GFOD1: variants seen among roughly 807,000 people sequenced by gnomAD.
The protein encoded by GFOD1 is Gfo/Idh/MocA-like oxidoreductase domain containing 1.
Under a neutral mutation model 25.4 loss-of-function variants are expected in GFOD1, and 9 were observed. That is an observed-to-expected ratio of 0.35 (90% confidence interval 0.21 to 0.62). GFOD1 has a LOEUF of 0.62. Among genes scored for constraint, GFOD1 ranks in the 20% least tolerant of loss-of-function variants. The pLI, the probability that GFOD1 is intolerant of heterozygous loss-of-function variation, is 0.72. For missense variants in GFOD1, 403 were observed against 556.9 expected, an observed-to-expected ratio of 0.72 and a Z score of 2.78; for synonymous variants, 253 against 245.6, an observed-to-expected ratio of 1.03 and a Z score of -0.28.
intron 1 of GFOD1, among the ~76,000 whole-genome samples, chr6:13,395,008 C>T (rs1264153276): frequency 1.3e-5 from 2 of 152,138 alleles, no homozygotes; most frequent in East Asian, 3.9e-4. Context: ...GTCTTGAACT[C>T]TTGGCCTCAA....
intron 1 of GFOD1, among the ~76,000 whole-genome samples, chr6:13,384,847 T>C (rs1397804397): frequency 6.6e-6 from 1 of 152,252 alleles, no homozygotes; most frequent in Admixed American, 6.5e-5. Context: ...AATTTAGGTA[T>C]AAATCAGTTT....
chr6:13,449,139 A>T (rs887184055), intron 1 of GFOD1, among the ~76,000 whole-genome samples: 1 of 152,270 alleles, frequency 6.6e-6, no homozygotes, highest in East Asian at 1.9e-4. Context: ...AAACATTTTT[A>T]AATTAGCCAG....
At position 13,365,733 on chromosome 6, in the gene GFOD1, T is replaced by C. The variant is rs1019863734; in HGVS notation, c.254-71A>G. ...CGAGCGCGCGTCCCTGGGTCAGATC[T>C]TAAAATATTTCACATTAATAGAAAA... is the stretch of plus-strand genomic sequence containing the variant. On this transcript the variant is annotated intron_variant, in intron 1 of 1. Transcript: ENST00000379287. The surrounding 1 kb of genome is among the most constrained non-coding windows in gnomAD (Gnocchi z 9.2). The C allele has an allele frequency of 3.6e-5, 39 of 1,090,932 alleles. No individual in the cohort carries two copies. In the African/African-American group the frequency reaches 5.6e-4, roughly 16 times the overall value. 67.6% of individuals were successfully genotyped at this position (1,090,932 alleles called of 1,614,324 possible). A position where few individuals can be genotyped will look rare whatever the true frequency, so the allele number is the denominator to read the frequency against.
intron 1 of GFOD1, among the ~76,000 whole-genome samples, chr6:13,412,990 T>C (rs997549401): frequency 9.2e-5 from 14 of 152,234 alleles, no homozygotes; most frequent in African/African-American, 2.4e-4. Context: ...TGGCAGGTAC[T>C]GTATACATGA....
intron 1 of GFOD1, among the ~76,000 whole-genome samples, chr6:13,419,057 C>T (rs12527593): frequency 0.087 from 13,196 of 152,102 alleles, 826 homozygotes; most frequent in African/African-American, 0.17. Context: ...TTTTCTCAAG[C>T]TCCCATTAAG....
chr6:13,426,499 G>A (rs1239206637), intron 1 of GFOD1, among the ~76,000 whole-genome samples: 2 of 152,200 alleles, frequency 1.3e-5, no homozygotes, highest in African/African-American at 2.4e-5. Context: ...TGACCTCTGC[G>A]TCACTGTCCT....
chr6:13,371,090 T>C (rs1785141821), intron 1 of GFOD1, among the ~76,000 whole-genome samples: 1 of 152,220 alleles, frequency 6.6e-6, no homozygotes, highest in South Asian at 2.1e-4. Flanking sequence ...GAGGCAGTCT[T>C]GCACTCTTCT....
rs376209564 is a variant in GFOD1, at chr6:13,378,757, T to C, written c.254-13095A>G. On this transcript the variant is annotated intron_variant, in intron 1 of 1. Transcript: ENST00000379287. ...ACCTAGGTGCCAGCAGGAAAGCCAC[T>C]GCGGGATCACATTAACCCCACCTCC... Among the ~76,000 whole-genome samples, 60 of 152,252 alleles carry C rather than the reference T, an allele frequency of 3.9e-4. No homozygotes were observed. The East Asian group carries it at 9.9e-3, about 25-fold the overall frequency.
chr6:13,451,228 A>T (rs1472348989), intron 1 of GFOD1, among the ~76,000 whole-genome samples: 1 of 152,200 alleles, frequency 6.6e-6, no homozygotes, highest in East Asian at 1.9e-4. Context: ...TCTGGCCTTG[A>T]AAACCTTTCT....
intron 1 of GFOD1, among the ~76,000 whole-genome samples, chr6:13,385,594 C>T (rs535972497): frequency 2.0e-5 from 3 of 152,252 alleles, no homozygotes; most frequent in African/African-American, 7.2e-5. Flanking sequence ...TAAGACAAGC[C>T]AATCATCAAG....
At chr6:13,371,190 G>A (rs143929579) in intron 1 of GFOD1, among the ~76,000 whole-genome samples, 1 of 152,340 alleles carries the variant, frequency 6.6e-6, no homozygotes, top group Non-Finnish European at 1.5e-5. Context: ...CAGAGGCAGA[G>A]GCCCTGTTTT....
intron 1 of GFOD1, among the ~76,000 whole-genome samples, chr6:13,390,834 A>T (rs1024096687): frequency 6.6e-6 from 1 of 151,260 alleles, no homozygotes; most frequent in African/African-American, 2.4e-5. Flanking sequence ...GAAGGATAAT[A>T]ACAGTATCTA....
chr6:13,408,848 G>A (rs993848710), intron 1 of GFOD1, among the ~76,000 whole-genome samples: 9 of 151,990 alleles, frequency 5.9e-5, no homozygotes, highest in African/African-American at 2.2e-4. Flanking sequence ...ACTTTGGGAG[G>A]TGGAGGTGGG....
intron 1 of GFOD1, among the ~76,000 whole-genome samples, chr6:13,367,071 T>C (rs913482674): frequency 6.6e-6 from 1 of 152,034 alleles, no homozygotes; most frequent in Non-Finnish European, 1.5e-5. Flanking sequence ...ACAGTTATCA[T>C]ATATATAAAA....
chr6:13,465,160 C>T (rs1400543087), intron 1 of GFOD1, among the ~76,000 whole-genome samples: 4 of 151,860 alleles, frequency 2.6e-5, no homozygotes, highest in African/African-American at 9.7e-5. Flanking sequence ...TTTTGGCTTC[C>T]CTGGGCCACA....
At chr6:13,437,952 A>G (rs1220059438) in intron 1 of GFOD1, among the ~76,000 whole-genome samples, 2 of 152,386 alleles carry the variant, frequency 1.3e-5, no homozygotes, top group South Asian at 2.1e-4. Flanking sequence ...AGGAAGGAAG[A>G]AAAATAAAAT....
At chr6:13,475,438 G>A (rs150637864) in intron 1 of GFOD1, among the ~76,000 whole-genome samples, 4,753 of 151,822 alleles carry the variant, frequency 0.031, 234 homozygotes, top group African/African-American at 0.11. Flanking sequence ...GGCTGGGCGC[G>A]GTGGCTCACG....
intron 1 of GFOD1, among the ~76,000 whole-genome samples, chr6:13,447,732 C>A (rs1406582420): frequency 1.1e-5 from 1 of 94,988 alleles, no homozygotes; most frequent in Non-Finnish European, 1.9e-5. Flanking sequence ...CAGAGCGAGA[C>A]TCCTTCTCAA....
chr6:13,475,733 A>G (rs769642215), intron 1 of GFOD1, among the ~76,000 whole-genome samples: 14,007 of 101,320 alleles, frequency 0.14, 907 homozygotes, highest in South Asian at 0.21. Flanking sequence ...AATAATAATA[A>G]TAATAATAAT....
Sources: gnomAD v4.1 joint callset for allele counts (sites outside exome capture counted in the v4.1 genomes callset) on GRCh38, gnomAD v4.1.1 for gene constraint, Gnocchi (gnomAD v3.1) non-coding constraint, MANE v1.5 for transcripts, NCBI Gene and HGNC (gene_info 2026-07-23, HGNC 2026-07-21) for gene names.